Variants in FBXL7 observed in about 807,000 individuals in gnomAD.
FBXL7 encodes the protein F-box/LRR-repeat protein 7.
In FBXL7, 12 loss-of-function variants were observed where a neutral mutation model predicts 38.3. That is an observed-to-expected ratio of 0.31 (90% CI 0.20 to 0.51). FBXL7 has a LOEUF of 0.51. Among genes scored for constraint, FBXL7 ranks in the 20% least tolerant of loss-of-function variants. The pLI, the probability that FBXL7 is intolerant of heterozygous loss-of-function variation, is 0.98. For missense variants in FBXL7, 567 were observed against 676.4 expected (o/e 0.84, Z 1.79); for synonymous variants, 297 against 300.9 (o/e 0.99, Z 0.13).
At chr5:15,898,258 T>C (rs12522424) in intron 2 of FBXL7, among the ~76,000 whole-genome samples, 7,062 of 152,266 alleles carry the variant, frequency 0.046, 279 homozygotes, top group Admixed American at 0.12. Flanking sequence ...CATCAGCTAC[T>C]CATTTCTGGT....
Position 15,533,474 on chromosome 5 carries a change from C to T in FBXL7, c.37+32761C>T, listed in dbSNP as rs114407858. 9.5e-3 allele frequency among the ~76,000 whole-genome samples: 1,441 copies of T among 152,046 alleles called. 25 individuals carry two copies. Among genetic ancestry groups the T allele is most frequent in the African/African-American group, 0.033 (1,377 of 41,430 alleles). On this transcript the variant is annotated intron_variant, in intron 1 of 3. Transcript: ENST00000504595. ...GTTTCAGAGAAACTGAAATTAGATA[C>T]AGAAATGGGTAAAGGAGCCATAATT...
intron 2 of FBXL7, among the ~76,000 whole-genome samples, chr5:15,633,157 C>A (rs1741057101): frequency 6.6e-6 from 1 of 152,112 alleles, no homozygotes; most frequent in African/African-American, 2.4e-5. Flanking sequence ...GGACATATTT[C>A]ATGAGGTTAT....
chr5:15,569,037 T>G (rs1000986812), intron 1 of FBXL7, among the ~76,000 whole-genome samples: 1 of 152,208 alleles, frequency 6.6e-6, no homozygotes, highest in Non-Finnish European at 1.5e-5. Context: ...GCCTCCAGCT[T>G]TGTTCTTTTG....
intron 2 of FBXL7, among the ~76,000 whole-genome samples, chr5:15,904,931 C>G (rs1339493185): frequency 6.6e-6 from 1 of 152,180 alleles, no homozygotes; most frequent in Non-Finnish European, 1.5e-5. Context: ...AAACGATGAG[C>G]CAGAATCCAC....
At chr5:15,527,217 G>C (rs549142511) in intron 1 of FBXL7, among the ~76,000 whole-genome samples, 25 of 152,230 alleles carry the variant, frequency 1.6e-4, no homozygotes, top group African/African-American at 5.3e-4. Context: ...GTAAGCATTC[G>C]TCAGTAATGT....
chr5:15,519,192 A>G (rs924701902), intron 1 of FBXL7, among the ~76,000 whole-genome samples: 1 of 152,066 alleles, frequency 6.6e-6, no homozygotes, highest in Non-Finnish European at 1.5e-5. Context: ...AAAAATAAAA[A>G]AATTAGCTGG....
intron 2 of FBXL7, among the ~76,000 whole-genome samples, chr5:15,850,275 G>A (rs73062137): frequency 6.6e-6 from 1 of 152,332 alleles, no homozygotes; most frequent in African/African-American, 2.4e-5. Flanking sequence ...AAGTTCCAAA[G>A]AAGATCACAA....
chr5:15,562,558 T>G (rs1738442972), intron 1 of FBXL7, among the ~76,000 whole-genome samples: 2 of 152,100 alleles, frequency 1.3e-5, no homozygotes, highest in African/African-American at 4.8e-5. Flanking sequence ...TTAGTTGGCA[T>G]TATATTCATG....
chr5:15,510,855 A>G (rs544233395), intron 1 of FBXL7, among the ~76,000 whole-genome samples: 2 of 152,306 alleles, frequency 1.3e-5, no homozygotes, highest in East Asian at 3.9e-4. Flanking sequence ...ATGTAATGCT[A>G]AAGACAGCCA....
intron 2 of FBXL7, among the ~76,000 whole-genome samples, chr5:15,732,902 C>T (rs370998657): frequency 6.6e-6 from 1 of 152,082 alleles, no homozygotes; most frequent in Non-Finnish European, 1.5e-5. Flanking sequence ...GTTAGCTTCA[C>T]TATTCATTTA....
intron 2 of FBXL7, among the ~76,000 whole-genome samples, chr5:15,765,794 G>A (rs1034225303): frequency 6.6e-6 from 1 of 151,962 alleles, no homozygotes. Context: ...GATCACCTTC[G>A]GGTATCTCAA....
At chr5:15,608,579 C>T (rs1431650787) in intron 1 of FBXL7, among the ~76,000 whole-genome samples, 2 of 152,208 alleles carry the variant, frequency 1.3e-5, no homozygotes, top group East Asian at 3.9e-4. Flanking sequence ...TGAACATCTA[C>T]AATCAGTGGA....
chr5:15,549,420 T>G (rs1011911055), intron 1 of FBXL7, among the ~76,000 whole-genome samples: 1 of 152,168 alleles, frequency 6.6e-6, no homozygotes, highest in Admixed American at 6.5e-5. Context: ...GAAACCACCT[T>G]GATTTAGTAA....
intron 2 of FBXL7, among the ~76,000 whole-genome samples, chr5:15,817,817 T>A (rs1019097049): frequency 6.6e-6 from 1 of 152,208 alleles, no homozygotes; most frequent in African/African-American, 2.4e-5. Flanking sequence ...CTTTACAGAT[T>A]ACCCAGTCTC....
At chr5:15,564,414 GTA>G (rs1491081805) in intron 1 of FBXL7, among the ~76,000 whole-genome samples, 339 of 135,498 alleles carry the variant, frequency 2.5e-3, no homozygotes, top group African/African-American at 8.5e-3. Context: ...GTGTGTGTGT[GTA>G]TGTGTATACA....
intron 2 of FBXL7, among the ~76,000 whole-genome samples, chr5:15,889,147 C>G (rs1740801394): frequency 6.6e-6 from 1 of 152,080 alleles, no homozygotes; most frequent in African/African-American, 2.4e-5. Context: ...ATGGTATAAT[C>G]CACTAGGAAG....
intron 1 of FBXL7, among the ~76,000 whole-genome samples, chr5:15,583,526 G>A (rs932574295): frequency 6.6e-6 from 1 of 152,150 alleles, no homozygotes; most frequent in African/African-American, 2.4e-5. Context: ...GTTACAAATG[G>A]GAGAAATTGG....
intron 2 of FBXL7, among the ~76,000 whole-genome samples, chr5:15,828,890 G>A (rs1201903568): frequency 6.6e-6 from 1 of 152,210 alleles, no homozygotes; most frequent in Non-Finnish European, 1.5e-5. Context: ...GTGGATCTGA[G>A]AAACAGATTG....
At chr5:15,576,016 G>A (rs367820105) in intron 1 of FBXL7, among the ~76,000 whole-genome samples, 1 of 150,340 alleles carries the variant, frequency 6.7e-6, no homozygotes, top group East Asian at 2.0e-4. Context: ...AATGGTAAGT[G>A]AGTTTAGTGA....
Sources: allele counts gnomAD v4.1 joint callset (sites outside exome capture counted in the v4.1 genomes callset), GRCh38; gene constraint gnomAD v4.1.1; transcripts MANE v1.5; gene names NCBI Gene and HGNC (gene_info 2026-07-23, HGNC 2026-07-21).